The following OCA2 variants were observed in gnomAD, a reference collection of about 807,000 sequenced individuals.
The protein encoded by OCA2 is P protein.
A neutral mutation model predicts 100.2 loss-of-function variants in OCA2; 77 were observed. That is an observed-to-expected ratio of 0.77 (90% CI 0.64 to 0.93). The LOEUF is 0.93. OCA2 is among the 40% of genes least tolerant of loss of function. The pLI is 0.00. For missense variants in OCA2, 1,062 were observed against 1,089.1 expected (o/e 0.98, Z 0.35); for synonymous variants, 432 against 439.2 (o/e 0.98, Z 0.21).
chr15:27,751,382 A>G (rs996909760), downstream of OCA2, among the ~76,000 whole-genome samples: 3 of 152,210 alleles, frequency 2.0e-5, no homozygotes, highest in South Asian at 6.2e-4. Context: ...TCACACCAAG[A>G]TGGTAACACA....
intron 3 of OCA2, among the ~76,000 whole-genome samples, chr15:28,029,940 G>C (rs1337895730): frequency 2.0e-5 from 3 of 152,192 alleles, no homozygotes; most frequent in Admixed American, 1.3e-4. Context: ...ATGAGGCCCA[G>C]CTCGGCCTCC....
intron 23 of OCA2, among the ~76,000 whole-genome samples, chr15:27,767,209 TAAC>T (rs1413060413): frequency 1.3e-5 from 2 of 152,208 alleles, no homozygotes; most frequent in Non-Finnish European, 1.5e-5. Flanking sequence ...TGAGCTCAAC[TAAC>T]AACTTCTACT....
intron 2 of OCA2, among the ~76,000 whole-genome samples, chr15:28,076,455 G>A (rs990104169): frequency 3.9e-5 from 6 of 152,090 alleles, no homozygotes; most frequent in Non-Finnish European, 7.4e-5. Context: ...AAATTTCAAG[G>A]TCAATTAATT....
intron 19 of OCA2, among the ~76,000 whole-genome samples, chr15:27,919,838 T>C (rs2038794401): frequency 1.3e-5 from 2 of 152,252 alleles, no homozygotes; most frequent in African/African-American, 2.4e-5. Flanking sequence ...ACCACTGTGA[T>C]GGAGGAAGTT....
chr15:27,740,572 T>A, the OCA2 span, among the ~76,000 whole-genome samples: 1 of 152,312 alleles, frequency 6.6e-6, no homozygotes, highest in Admixed American at 6.5e-5. Context: ...CAAGTATGTA[T>A]GGGCATTTTG....
At chr15:28,070,961 GC>G (rs1262467735) in intron 2 of OCA2, among the ~76,000 whole-genome samples, 1 of 146,008 alleles carries the variant, frequency 6.8e-6, no homozygotes, top group East Asian at 2.0e-4. Flanking sequence ...ATGCTTGAAG[GC>G]AGCATGCTCG....
rs576471293 is a variant in OCA2, at chr15:27,997,489, G to A, written c.1045-6842C>T. Among the ~76,000 whole-genome samples, 288 of 151,696 alleles carry A rather than the reference G, an allele frequency of 1.9e-3. 2 individuals are homozygous for A. Among genetic ancestry groups the A allele is most frequent in the African/African-American group, 6.7e-3 (279 of 41,466 alleles). ...GTCTGTCAAAGATCAGATAGTTGTA[G>A]ATATGCGGCGTTATTTCTGAGGGCT... On this transcript the variant is annotated intron_variant, in intron 9 of 23. Transcript: ENST00000354638.
Position 27,957,461 on chromosome 15 carries a change from G to C in OCA2, c.1784+127C>G. On this transcript the variant is annotated intron_variant, in intron 16 of 23. Coordinates refer to ENST00000354638, the MANE Select transcript of OCA2 (RefSeq NM_000275.3). The surrounding 1 kb of genome is among the most constrained non-coding windows in gnomAD (Gnocchi z 4.3). ...GAGGGTTAGATAAAATGTACTATAA[G>C]AGGCTTAGCACAGTGTGCGTCACCT... is the stretch of plus-strand genomic sequence containing the variant. The C allele has an allele frequency of 8.9e-7, 1 of 1,129,514 alleles. No homozygotes were observed. Among genetic ancestry groups the C allele is most frequent in the East Asian group, 2.4e-5 (1 of 42,256 alleles). 70.0% of individuals were successfully genotyped at this position (1,129,514 alleles called of 1,614,324 possible). A position where few individuals can be genotyped will look rare whatever the true frequency, so the allele number is the denominator to read the frequency against.
chr15:27,897,317 C>T (rs551721275), intron 19 of OCA2, among the ~76,000 whole-genome samples: 2 of 152,300 alleles, frequency 1.3e-5, no homozygotes, highest in East Asian at 1.9e-4. Flanking sequence ...GGACTTGGTG[C>T]CCTGCATTCC....
At chr15:28,034,355 T>G (rs767087072) in intron 2 of OCA2, among the ~76,000 whole-genome samples, 7 of 152,196 alleles carry the variant, frequency 4.6e-5, no homozygotes, top group Non-Finnish European at 1.0e-4. Context: ...AACATAAAGA[T>G]AGATTGTGGA....
intron 18 of OCA2, among the ~76,000 whole-genome samples, chr15:27,928,574 T>C (rs865848638): frequency 3.9e-5 from 6 of 152,152 alleles, no homozygotes; most frequent in Non-Finnish European, 8.8e-5. Flanking sequence ...GAGGATTTGT[T>C]TCTCTGCTCA....
At chr15:27,948,667 T>C (rs1247414079) in intron 18 of OCA2, among the ~76,000 whole-genome samples, 1 of 152,108 alleles carries the variant, frequency 6.6e-6, no homozygotes, top group Non-Finnish European at 1.5e-5. Flanking sequence ...GATTTTGCCA[T>C]GTTGCCCAGG....
chr15:27,793,229 G>A (rs1181479084), intron 23 of OCA2, among the ~76,000 whole-genome samples: 1 of 152,202 alleles, frequency 6.6e-6, no homozygotes, highest in African/African-American at 2.4e-5. Context: ...TATCACGTAT[G>A]TAGCTCAGCT....
Position 27,766,812 on chromosome 15 carries a change from G to T in OCA2, c.2433-11340C>A, listed in dbSNP as rs548112121. Among the ~76,000 whole-genome samples the T allele has an allele frequency of 1.3e-4, 20 of 152,260 alleles. No individual in the cohort carries two copies. In the East Asian group the frequency reaches 3.7e-3, roughly 28 times the overall value. ...TTGAACACAGGCAGGCTACCCTGGGGATCCAGGCCCTTGGTTCTGGGCCAA... is the reference window on the plus strand; with the variant it reads ...TTGAACACAGGCAGGCTACCCTGGGTATCCAGGCCCTTGGTTCTGGGCCAA... On this transcript the variant is annotated intron_variant, in intron 23 of 23. Transcript: ENST00000354638.
intron 2 of OCA2, among the ~76,000 whole-genome samples, chr15:28,048,290 A>G (rs553950043): frequency 1.3e-5 from 2 of 152,332 alleles, no homozygotes; most frequent in African/African-American, 4.8e-5. Context: ...TGAACAGCCA[A>G]AACAATCTTG....
At chr15:28,073,308 G>A (rs1414263293) in intron 2 of OCA2, among the ~76,000 whole-genome samples, 1 of 152,146 alleles carries the variant, frequency 6.6e-6, no homozygotes, top group East Asian at 1.9e-4. Flanking sequence ...CAGCTGCTTG[G>A]GAGGCTGAGG....
At chr15:27,796,804 G>T (rs989339098) in intron 23 of OCA2, among the ~76,000 whole-genome samples, 10 of 152,302 alleles carry the variant, frequency 6.6e-5, no homozygotes, top group African/African-American at 2.2e-4. Context: ...AGCAAGCACA[G>T]ACCTGCCTCC....
At chr15:28,021,086 A>G (rs1167801999) in intron 6 of OCA2, among the ~76,000 whole-genome samples, 2 of 152,208 alleles carry the variant, frequency 1.3e-5, no homozygotes, top group African/African-American at 4.8e-5. Context: ...AGAAAAAAAC[A>G]CTTGCCATTT....
intron 19 of OCA2, among the ~76,000 whole-genome samples, chr15:27,910,170 T>C (rs2038332459): frequency 6.6e-6 from 1 of 152,164 alleles, no homozygotes; most frequent in African/African-American, 2.4e-5. Context: ...ACTATTTTCA[T>C]AAAACTGACA....
Sources: gnomAD v4.1 joint callset for allele counts (sites outside exome capture counted in the v4.1 genomes callset) on GRCh38, gnomAD v4.1.1 for gene constraint, Gnocchi (gnomAD v3.1) non-coding constraint, MANE v1.5 for transcripts, NCBI Gene and HGNC (gene_info 2026-07-23, HGNC 2026-07-21) for gene names.